Variants in FIBIN observed in about 807,000 individuals in gnomAD.
FIBIN encodes the protein fin bud initiation factor homolog (zebrafish).
In FIBIN, 8 loss-of-function variants were observed where a neutral mutation model predicts 13.0. The observed-to-expected ratio is 0.62, with a 90% CI of 0.36 to 1.11. The LOEUF is 1.11. FIBIN is among the 50% of genes most tolerant of loss of function. The pLI is 0.02. For synonymous variants in FIBIN, 127 were observed against 114.7 expected (o/e 1.11, Z -0.69); for missense variants, 261 against 260.2 (o/e 1.00, Z -0.02).
Position 26,995,210 on chromosome 11 carries a change from T to A in FIBIN, c.*48T>A. 6.5e-7 allele frequency: 1 copy of A among 1,534,920 alleles called. No homozygotes were observed. The highest frequency in any genetic ancestry group is 8.8e-7 in the Non-Finnish European group (1 of 1,140,476). On this transcript the variant is annotated 3_prime_UTR_variant, in exon 1 of 1. Transcript: ENST00000318627. Reference sequence around the variant, plus strand: ...AAGAGGGAATCAAATCAGCCCCGTTTTGGAGGGTGGGGGACAGAAGATGGG... The same window carrying A: ...AAGAGGGAATCAAATCAGCCCCGTTATGGAGGGTGGGGGACAGAAGATGGG...
rs879086906 is a variant in FIBIN at position 26,994,770 on chromosome 11, G to A, written c.244G>A (p.Glu82Lys). The A allele has an allele frequency of 1.2e-6, 2 of 1,612,728 alleles. No homozygotes were observed. The highest frequency in any genetic ancestry group is 1.7e-5 in the Admixed American group (1 of 59,912). ...CAGCCTGCTGAGCCTCACCCTGCGG[G>A]AGGAGTTCACCGTGCTGGGCCGCCA... ...VGSLLSLTLR[E>K]EFTVLGRQVE... The change falls in exon 1 of 1, where the codon GAG (glutamate) becomes AAG (lysine). Residue 82 changes from glutamate (E) to lysine (K), a missense_variant. Coordinates refer to ENST00000318627, the MANE Select transcript of FIBIN (RefSeq NM_203371.2).
rs372108528 is a variant in FIBIN at position 26,994,865 on chromosome 11, G to A, written c.339G>A (p.Glu113=). ...KSISYDLDGE[E]SYGKYLRRES... The stretch of plus-strand genomic sequence containing the variant: ...TCTCCTACGACCTAGACGGGGAAGA[G>A]AGCTATGGCAAGTACCTGCGGCGGG... The change falls in exon 1 of 1, where the codon GAG becomes GAA. Residue 113 remains glutamate (E), a synonymous_variant. Transcript: ENST00000318627. 1.2e-5 allele frequency: 19 copies of A among 1,598,652 alleles called. No homozygotes were observed. The highest frequency in any genetic ancestry group is 1.4e-5 in the Non-Finnish European group (16 of 1,171,706).
At position 26,994,545 on chromosome 11, in the gene FIBIN, T is replaced by C; in HGVS notation, c.19T>C (p.Phe7Leu). The change falls in exon 1 of 1, where the codon TTC (phenylalanine) becomes CTC (leucine). Residue 7 changes from phenylalanine to leucine, a missense_variant. Transcript: ENST00000318627. MVFLKF[F>L]CMSFFCHLCQ... ...ATCCAGAATGGTGTTTCTGAAGTTC[T>C]TCTGCATGAGTTTCTTCTGCCACCT... The C allele has an allele frequency of 6.2e-7, 1 of 1,607,198 alleles. No homozygotes were observed. Among genetic ancestry groups the C allele is most frequent in the Non-Finnish European group, 8.5e-7 (1 of 1,175,362 alleles).
rs1850896284 is a variant in FIBIN at position 26,994,221 on chromosome 11, A to G, written c.-306A>G. 1 of 331,106 alleles carries G rather than the reference A, an allele frequency of 3.0e-6. No homozygotes were observed. Among genetic ancestry groups the G allele is most frequent in the African/African-American group, 2.1e-5 (1 of 47,268 alleles). The allele number at this position is 331,106 out of a possible 1,614,324, so 20.5% of individuals were successfully genotyped here. On this transcript the variant is annotated 5_prime_UTR_variant, in exon 1 of 1. Transcript: ENST00000318627. ...GGGGAAACTCCGAGAGGAGGGCAACAGAGCCAGCATCTTGCCAGGGCCCCG... is the reference window on the plus strand; with the variant it reads ...GGGGAAACTCCGAGAGGAGGGCAACGGAGCCAGCATCTTGCCAGGGCCCCG...
chr11:26,994,475 GCCTGGGTAAAAAGTCTCCT>G lies in FIBIN; in HGVS notation c.-45_-27del. On this transcript the variant is annotated 5_prime_UTR_variant, in exon 1 of 1. Coordinates refer to ENST00000318627, the MANE Select transcript of FIBIN (RefSeq NM_203371.2). ...CTCGCAAAGACACTCCCTTCCTTGT[GCCTGGGTAAAAAGTCTCCT>G]CCTGGGGTCCCTGGCCATCCTGAAT... The G allele has an allele frequency of 6.6e-7, 1 of 1,518,174 alleles. No individual in the cohort carries two copies. Among genetic ancestry groups the G allele is most frequent in the South Asian group, 1.3e-5 (1 of 79,802 alleles). 94.0% of individuals were successfully genotyped at this position (1,518,174 alleles called of 1,614,324 possible).
chr11:26,994,967 C>A lies in FIBIN; in HGVS notation c.441C>A (p.Gly147=). The A allele has an allele frequency of 1.2e-6, 2 of 1,613,644 alleles. No homozygotes were observed. Among genetic ancestry groups the A allele is most frequent in the South Asian group, 1.1e-5 (1 of 91,000 alleles). The part of the protein sequence containing the change: ...LTELESKFKQ[G]QEQDSRQESR... The stretch of plus-strand genomic sequence containing the variant: ...AGCTGGAGAGCAAGTTCAAGCAGGG[C>A]CAGGAACAGGACAGCCGGCAGGAGA... Residue 147 remains glycine (G), a synonymous_variant, in exon 1 of 1, where the codon GGC becomes GGA. Coordinates refer to ENST00000318627, the MANE Select transcript of FIBIN (RefSeq NM_203371.2).
rs1235193750 is a variant in FIBIN at position 26,995,091 on chromosome 11, C to A, written c.565C>A (p.Leu189Met). The change falls in exon 1 of 1, where the codon CTG (leucine) becomes ATG (methionine). Residue 189 changes from leucine to methionine, a missense_variant. Coordinates refer to ENST00000318627, the MANE Select transcript of FIBIN (RefSeq NM_203371.2). ...ISVGLRDKYELLALTIRSHGT... is the reference protein window; with the variant it reads ...ISVGLRDKYEMLALTIRSHGT... The stretch of plus-strand genomic sequence containing the variant: ...TGTGGGGCTCAGGGACAAATACGAG[C>A]TGCTGGCCCTCACCATTAGGAGCCA... 1 of 1,614,002 alleles carries A rather than the reference C, an allele frequency of 6.2e-7. No individual in the cohort carries two copies. Among genetic ancestry groups the A allele is most frequent in the South Asian group, 1.1e-5 (1 of 91,056 alleles).
chr11:26,994,713 C>T lies in FIBIN; in HGVS notation c.187C>T (p.Arg63Cys). The T allele has an allele frequency of 1.2e-6, 2 of 1,613,596 alleles. No homozygotes were observed. The highest frequency in any genetic ancestry group is 1.7e-6 in the Non-Finnish European group (2 of 1,179,952). The change falls in exon 1 of 1, where the codon CGC becomes TGC. Residue 63 changes from arginine (R) to cysteine (C), a missense_variant. Coordinates refer to ENST00000318627, the MANE Select transcript of FIBIN (RefSeq NM_203371.2). Reference sequence around the variant, plus strand: ...GCTCTTCAGGGTGAGTGACCACAGGCGCTGCTCCCAGGGGGAGGGGAGCCA... The same window carrying T: ...GCTCTTCAGGGTGAGTGACCACAGGTGCTGCTCCCAGGGGGAGGGGAGCCA... ...QLLFRVSDHR[R>C]CSQGEGSQVG...
Position 26,994,438 on chromosome 11 carries a change from G to A in FIBIN, c.-89G>A. On this transcript the variant is annotated 5_prime_UTR_variant, in exon 1 of 1. Transcript: ENST00000318627. ...TGGGACTGAGGCGGACGCTGTCTCA[G>A]GGAGACGCTGACTCGCAAAGACACT... The A allele has an allele frequency of 7.6e-7, 1 of 1,309,176 alleles. No homozygotes were observed. The allele number at this position is 1,309,176 out of a possible 1,614,324, so 81.1% of individuals were successfully genotyped here. A position where few individuals can be genotyped will look rare whatever the true frequency, so the allele number is the denominator to read the frequency against.
rs534952472 is a variant in FIBIN, at chr11:26,994,710, A to G, written c.184A>G (p.Arg62Gly). The G allele has an allele frequency of 1.6e-5, 26 of 1,613,402 alleles. No homozygotes were observed. In the Admixed American group the frequency reaches 3.0e-4, roughly 19 times the overall value. Residue 62 changes from arginine to glycine, a missense_variant, in exon 1 of 1, where the codon AGG becomes GGG. Coordinates refer to ENST00000318627, the MANE Select transcript of FIBIN (RefSeq NM_203371.2). The part of the protein sequence containing the change: ...CQLLFRVSDH[R>G]RCSQGEGSQV... ...GCTGCTCTTCAGGGTGAGTGACCAC[A>G]GGCGCTGCTCCCAGGGGGAGGGGAG... is the stretch of plus-strand genomic sequence containing the variant.
In FIBIN at chr11:26,994,736, C is replaced by G; in HGVS notation, c.210C>G (p.Ser70Arg). The G allele has an allele frequency of 3.1e-6, 5 of 1,613,430 alleles. No homozygotes were observed. ...GGCGCTGCTCCCAGGGGGAGGGGAGCCAGGTTGGCAGCCTGCTGAGCCTCA... is the reference window on the plus strand; with the variant it reads ...GGCGCTGCTCCCAGGGGGAGGGGAGGCAGGTTGGCAGCCTGCTGAGCCTCA... ...DHRRCSQGEGSQVGSLLSLTL... is the reference protein window; with the variant it reads ...DHRRCSQGEGRQVGSLLSLTL... Residue 70 changes from serine to arginine, a missense_variant, in exon 1 of 1, where the codon AGC (serine) becomes AGG (arginine). By Grantham distance (110) the Ser-to-Arg change is moderately radical. Transcript: ENST00000318627.
chr11:26,994,782 G>A lies in FIBIN; in HGVS notation c.256G>A (p.Val86Met), dbSNP rs1850905865. Residue 86 changes from valine to methionine, a missense_variant, in exon 1 of 1, where the codon GTG (valine) becomes ATG (methionine). Val to Met is a conservative substitution (Grantham distance 21, BLOSUM62 1). Transcript: ENST00000318627. ...LSLTLREEFT[V>M]LGRQVEDAGR... ...CCTCACCCTGCGGGAGGAGTTCACC[G>A]TGCTGGGCCGCCAGGTGGAGGATGC... 5.6e-6 allele frequency: 9 copies of A among 1,610,816 alleles called. No homozygotes were observed. In the East Asian group the frequency reaches 2.0e-4, roughly 36 times the overall value.
rs759764078 is a variant in FIBIN at position 26,994,983 on chromosome 11, C to T, written c.457C>T (p.Arg153Trp). The T allele has an allele frequency of 4.3e-6, 7 of 1,613,800 alleles. No homozygotes were observed. Among genetic ancestry groups the T allele is most frequent in the Non-Finnish European group, 5.9e-6 (7 of 1,179,966 alleles). ...CAAGCAGGGCCAGGAACAGGACAGC[C>T]GGCAGGAGAGCAGGCTCAACGAGGA... ...KFKQGQEQDS[R>W]QESRLNEDFL... Residue 153 changes from arginine (R) to tryptophan (W), a missense_variant, in exon 1 of 1, where the codon CGG becomes TGG. Physicochemically the swap from Arg to Trp is moderately radical, Grantham distance 101. Coordinates refer to ENST00000318627, the MANE Select transcript of FIBIN (RefSeq NM_203371.2).
rs1176521975 is a variant in FIBIN at position 26,995,481 on chromosome 11, C to T, written c.*319C>T. 1 of 252,456 alleles carries T rather than the reference C, an allele frequency of 4.0e-6. No homozygotes were observed. Among genetic ancestry groups the T allele is most frequent in the Non-Finnish European group, 8.1e-6 (1 of 123,770 alleles). 15.6% of individuals were successfully genotyped at this position (252,456 alleles called of 1,614,324 possible). ...CCCGTTTCAGCCACATCTAAAAGAG[C>T]ACAGTTTATGTGGTGCGGAATTAAA... On this transcript the variant is annotated 3_prime_UTR_variant, in exon 1 of 1. Coordinates refer to ENST00000318627, the MANE Select transcript of FIBIN (RefSeq NM_203371.2).
rs770769987 is a variant in FIBIN, at chr11:26,994,649, G to C, written c.123G>C (p.Gly41=). The C allele has an allele frequency of 2.5e-6, 4 of 1,613,936 alleles. No homozygotes were observed. The Admixed American group carries it at 6.7e-5, about 27-fold the overall frequency. ...TGCACCACTACTTCGTGCCCGATGG[G>C]GACTATGAGGAGAACGATGACCCCG... ...GTLHHYFVPD[G]DYEENDDPEK... is the part of the protein sequence containing the mutation. The change falls in exon 1 of 1, where the codon GGG becomes GGC. Residue 41 remains glycine (G), a synonymous_variant. Transcript: ENST00000318627.
chr11:26,994,275 C>G lies in FIBIN; in HGVS notation c.-252C>G, dbSNP rs773426439. On this transcript the variant is annotated 5_prime_UTR_variant, in exon 1 of 1. Coordinates refer to ENST00000318627, the MANE Select transcript of FIBIN (RefSeq NM_203371.2). ...GAGGGGTTCCCCGCTACGCCTGTGC[C>G]GGAGGAGTTCCAGTCACCGAGCGAG... 7 of 439,968 alleles carry G rather than the reference C, an allele frequency of 1.6e-5. No homozygotes were observed. The highest frequency in any genetic ancestry group is 5.1e-5 in the South Asian group (1 of 19,428). The allele number at this position is 439,968 out of a possible 1,614,324, so 27.3% of individuals were successfully genotyped here. A position where few individuals can be genotyped will look rare whatever the true frequency, so the allele number is the denominator to read the frequency against.
chr11:26,995,434 G>T lies in FIBIN; in HGVS notation c.*272G>T. 2.8e-6 allele frequency: 1 copy of T among 351,162 alleles called. No homozygotes were observed. Among genetic ancestry groups the T allele is most frequent in the Non-Finnish European group, 5.4e-6 (1 of 186,778 alleles). The allele number at this position is 351,162 out of a possible 1,614,324, so 21.8% of individuals were successfully genotyped here. On this transcript the variant is annotated 3_prime_UTR_variant, in exon 1 of 1. Coordinates refer to ENST00000318627, the MANE Select transcript of FIBIN (RefSeq NM_203371.2). ...TTTTAAGCAATGTCATTTCTAGATG[G>T]GTTTCTAATTCTGCAGAGACACCCG...
chr11:26,994,302 G>A lies in FIBIN; in HGVS notation c.-225G>A, dbSNP rs1261088424. 2 of 459,436 alleles carry A rather than the reference G, an allele frequency of 4.4e-6. No homozygotes were observed. Among genetic ancestry groups the A allele is most frequent in the Non-Finnish European group, 7.6e-6 (2 of 261,756 alleles). The allele number at this position is 459,436 out of a possible 1,614,324, so 28.5% of individuals were successfully genotyped here. The stretch of plus-strand genomic sequence containing the variant: ...GAGGAGTTCCAGTCACCGAGCGAGG[G>A]GCGCAAGGGTGGGTGCATCCTGCGC... On this transcript the variant is annotated 5_prime_UTR_variant, in exon 1 of 1. Transcript: ENST00000318627.
chr11:26,994,591 G>T lies in FIBIN; in HGVS notation c.65G>T (p.Gly22Val), dbSNP rs764326535. ...FCHLCQGYFD[G>V]PLYPEMSNGT... The stretch of plus-strand genomic sequence containing the variant: ...CACCTGTGTCAAGGCTACTTCGATG[G>T]CCCCCTCTACCCAGAGATGTCCAAT... Residue 22 changes from glycine (G) to valine (V), a missense_variant, in exon 1 of 1, where the codon GGC becomes GTC. Coordinates refer to ENST00000318627, the MANE Select transcript of FIBIN (RefSeq NM_203371.2). 1.2e-6 allele frequency: 2 copies of T among 1,613,580 alleles called. No individual in the cohort carries two copies. The highest frequency in any genetic ancestry group is 1.7e-6 in the Non-Finnish European group (2 of 1,179,706).
Sources: allele counts gnomAD v4.1 joint callset, GRCh38; gene constraint gnomAD v4.1.1; transcripts MANE v1.5; gene names NCBI Gene and HGNC (gene_info 2026-07-23, HGNC 2026-07-21).